The following VGLL3 variants were observed in gnomAD, a reference collection of about 807,000 sequenced individuals.
VGLL3 encodes the protein transcription cofactor vestigial-like protein 3.
Under a neutral mutation model 29.2 loss-of-function variants are expected in VGLL3, and 18 were observed. That is an observed-to-expected ratio of 0.62 (90% CI 0.43 to 0.91). The LOEUF is 0.91. Ranked by LOEUF, VGLL3 falls within the 40% of genes least tolerant of loss-of-function variation. VGLL3 has a pLI of 0.00. For synonymous variants in VGLL3, 180 were observed against 151.8 expected, an observed-to-expected ratio of 1.19 and a Z score of -1.36; for missense variants, 440 against 413.2, an observed-to-expected ratio of 1.06 and a Z score of -0.56.
chr3:86,970,050 T>C (rs1352473385), intron 2 of VGLL3, among the ~76,000 whole-genome samples: 1 of 152,072 alleles, frequency 6.6e-6, no homozygotes, highest in Non-Finnish European at 1.5e-5. Flanking sequence ...GAAGATCCTA[T>C]GGAAATGATG....
At chr3:86,983,499 A>T (rs1284446708) in intron 1 of VGLL3, among the ~76,000 whole-genome samples, 1 of 152,090 alleles carries the variant, frequency 6.6e-6, no homozygotes, top group African/African-American at 2.4e-5. Context: ...TCAAATGATT[A>T]TCTCACTTCA....
chr3:86,979,666 G>A (rs368347392), intron 1 of VGLL3, among the ~76,000 whole-genome samples: 1 of 151,950 alleles, frequency 6.6e-6, no homozygotes, highest in Non-Finnish European at 1.5e-5. Flanking sequence ...ATATTGTAAA[G>A]ATTAAAAAGC....
intron 1 of VGLL3, among the ~76,000 whole-genome samples, chr3:86,983,339 G>A (rs1321947706): frequency 1.3e-5 from 2 of 152,178 alleles, no homozygotes; most frequent in South Asian, 2.1e-4. Flanking sequence ...AAATCATAGA[G>A]GACATAAAAG....
intron 1 of VGLL3, among the ~76,000 whole-genome samples, chr3:86,983,559 AT>A (rs983124743): frequency 1.3e-5 from 2 of 151,848 alleles, no homozygotes; most frequent in East Asian, 1.9e-4. Flanking sequence ...TTTTATTCTA[AT>A]TTTTTTGTAG....
rs552978362 is a variant in VGLL3, at chr3:86,940,546, C to T, written c.*6478G>A. 6.6e-6 allele frequency: 1 copy of T among 152,432 alleles called. No homozygotes were observed. The highest frequency in any genetic ancestry group is 6.6e-5 in the Admixed American group (1 of 15,258). The allele number at this position is 152,432 out of a possible 1,614,324, so 9.4% of individuals were successfully genotyped here. On this transcript the variant is annotated 3_prime_UTR_variant, in exon 4 of 4. Coordinates refer to ENST00000398399, the MANE Select transcript of VGLL3 (RefSeq NM_016206.4). The stretch of plus-strand genomic sequence containing the variant: ...TAATTTCCAAAATATTTATAAGATG[C>T]TTAATTGAATAAGGAGGAAACAAAA...
intron 1 of VGLL3, among the ~76,000 whole-genome samples, chr3:86,981,006 A>G (rs1705314381): frequency 6.6e-6 from 1 of 152,152 alleles, no homozygotes. Flanking sequence ...TTTAATTGTA[A>G]CATTCATTCT....
At chr3:86,965,321 CT>C in intron 3 of VGLL3, among the ~76,000 whole-genome samples, 1 of 152,210 alleles carries the variant, frequency 6.6e-6, no homozygotes, top group East Asian at 1.9e-4. Context: ...TATGAAGGTT[CT>C]TCTCTTGGCT....
At chr3:86,958,054 A>G (rs1374175940) in intron 3 of VGLL3, among the ~76,000 whole-genome samples, 5 of 152,190 alleles carry the variant, frequency 3.3e-5, no homozygotes, top group African/African-American at 1.2e-4. Context: ...TTATTTTCCA[A>G]AAAAGACATA....
At chr3:86,955,417 C>T (rs1375496547) in intron 3 of VGLL3, among the ~76,000 whole-genome samples, 11 of 141,004 alleles carry the variant, frequency 7.8e-5, no homozygotes, top group Non-Finnish European at 1.5e-4. Context: ...AAGTCTCACT[C>T]TGTCACCCAG....
At position 86,956,792 on chromosome 3, in the gene VGLL3, CAAAAAAAAAAA is replaced by C. The variant is rs55781336; in HGVS notation, c.938-9736_938-9726del. On this transcript the variant is annotated intron_variant, in intron 3 of 3. Coordinates refer to ENST00000398399, the MANE Select transcript of VGLL3 (RefSeq NM_016206.4). ...AGAGCGAGACTCCGTCCCACCGTCCCAAAAAAAAAAAAAAAAAAAAAGAAAGAAAATACTTA... is the reference window on the plus strand; with the variant it reads ...AGAGCGAGACTCCGTCCCACCGTCCCAAAAAAAAAAGAAAGAAAATACTTA... Among the ~76,000 whole-genome samples the C allele has an allele frequency of 9.9e-5, 9 of 90,854 alleles. No homozygotes were observed. The East Asian group carries it at 2.6e-3, about 26-fold the overall frequency. 59.6% of individuals were successfully genotyped at this position (90,854 alleles called of 152,430 possible).
At chr3:86,947,444 A>G (rs1704531099) in intron 3 of VGLL3, among the ~76,000 whole-genome samples, 1 of 152,230 alleles carries the variant, frequency 6.6e-6, no homozygotes, top group Non-Finnish European at 1.5e-5. Context: ...GCATTTATGC[A>G]GTGCTTCAAT....
At chr3:86,988,909 T>C (rs1575884237) in intron 1 of VGLL3, among the ~76,000 whole-genome samples, 1 of 152,144 alleles carries the variant, frequency 6.6e-6, no homozygotes, top group East Asian at 1.9e-4. Flanking sequence ...TTTTTTACTT[T>C]TTAAAATTGT....
intron 3 of VGLL3, among the ~76,000 whole-genome samples, chr3:86,956,792 C>CAAAAAAAAA (rs55781336): frequency 1.1e-5 from 1 of 90,856 alleles, no homozygotes. Flanking sequence ...CCCACCGTCC[C>CAAAAAAAAA]AAAAAAAAAA....
intron 3 of VGLL3, among the ~76,000 whole-genome samples, chr3:86,952,245 G>A (rs1359432347): frequency 6.6e-6 from 1 of 152,122 alleles, no homozygotes; most frequent in African/African-American, 2.4e-5. Flanking sequence ...TAATTGATGA[G>A]GGTAAGTCTT....
rs1360581983 is a variant in VGLL3 at position 86,940,521 on chromosome 3, T to G, written c.*6503A>C. On this transcript the variant is annotated 3_prime_UTR_variant, in exon 4 of 4. Coordinates refer to ENST00000398399, the MANE Select transcript of VGLL3 (RefSeq NM_016206.4). Reference sequence around the variant, plus strand: ...TTAATTAATAACACCTAAGATGTTGTAATTTCCAAAATATTTATAAGATGC... The same window carrying G: ...TTAATTAATAACACCTAAGATGTTGGAATTTCCAAAATATTTATAAGATGC... 1 of 152,578 alleles carries G rather than the reference T, an allele frequency of 6.6e-6. No homozygotes were observed. The highest frequency in any genetic ancestry group is 1.5e-5 in the Non-Finnish European group (1 of 67,996). 9.5% of individuals were successfully genotyped at this position (152,578 alleles called of 1,614,324 possible).
intron 2 of VGLL3, among the ~76,000 whole-genome samples, chr3:86,976,411 G>A (rs540709412): frequency 1.4e-4 from 22 of 152,222 alleles, no homozygotes; most frequent in African/African-American, 5.3e-4. Context: ...TACCCTAAAA[G>A]CTCCATGAGG....
chr3:86,948,078 A>T (rs1704542130), intron 3 of VGLL3, among the ~76,000 whole-genome samples: 1 of 152,210 alleles, frequency 6.6e-6, no homozygotes, highest in Non-Finnish European at 1.5e-5. Flanking sequence ...AAAGTTAGTT[A>T]ATACATCTGT....
In VGLL3 at chr3:86,939,530, CA is replaced by C; in HGVS notation, c.*7493del. ...GTCCCAGCTACTCGAGAGGCTGAGG[CA>C]GGGGAATCCTTTGAACCCGGGAGGT... On this transcript the variant is annotated 3_prime_UTR_variant, in exon 4 of 4. Transcript: ENST00000398399. The C allele has an allele frequency of 6.6e-6, 1 of 152,560 alleles. No homozygotes were observed. Among genetic ancestry groups the C allele is most frequent in the Non-Finnish European group, 1.5e-5 (1 of 68,312 alleles). The allele number at this position is 152,560 out of a possible 1,614,324, so 9.5% of individuals were successfully genotyped here.
In VGLL3 at chr3:86,943,359, A is replaced by T. The variant is rs957631087; in HGVS notation, c.*3665T>A. The T allele has an allele frequency of 6.6e-6, 1 of 152,216 alleles. No individual in the cohort carries two copies. The highest frequency in any genetic ancestry group is 2.4e-5 in the African/African-American group (1 of 41,458). 9.4% of individuals were successfully genotyped at this position (152,216 alleles called of 1,614,324 possible). A position where few individuals can be genotyped will look rare whatever the true frequency, so the allele number is the denominator to read the frequency against. ...GTTTCTGATTTCCACTTTAAATTATAAATACAACATTAAACCAGATAGCAA... is the reference window on the plus strand; with the variant it reads ...GTTTCTGATTTCCACTTTAAATTATTAATACAACATTAAACCAGATAGCAA... On this transcript the variant is annotated 3_prime_UTR_variant, in exon 4 of 4. Coordinates refer to ENST00000398399, the MANE Select transcript of VGLL3 (RefSeq NM_016206.4).
Sources: allele counts gnomAD v4.1 joint callset (sites outside exome capture counted in the v4.1 genomes callset), GRCh38; gene constraint gnomAD v4.1.1; transcripts MANE v1.5; gene names NCBI Gene and HGNC (gene_info 2026-07-23, HGNC 2026-07-21).